Variants in TAF1B observed in about 807,000 individuals in gnomAD.
TAF1B encodes the protein TATA-box binding protein associated factor, RNA polymerase I subunit B.
TAF1B carries 61 observed loss-of-function variants against 83.9 expected under a neutral mutation model. The observed-to-expected ratio is 0.73, with a 90% CI of 0.59 to 0.90. The LOEUF (loss-of-function observed/expected upper bound fraction) is 0.90, where lower values mean the gene tolerates loss of function less well. TAF1B is among the 40% of genes least tolerant of loss of function. The pLI is 0.00. For missense variants in TAF1B, 625 were observed against 677.0 expected, an observed-to-expected ratio of 0.92 and a Z score of 0.85; for synonymous variants, 221 against 224.6, an observed-to-expected ratio of 0.98 and a Z score of 0.14.
chr2:9,911,077 A>G (rs778283597), intron 10 of TAF1B, among the ~76,000 whole-genome samples, 164 bp downstream of exon 10: 10 of 152,242 alleles, frequency 6.6e-5, no homozygotes, highest in Non-Finnish European at 1.3e-4. Flanking sequence ...GAGACTCTCA[A>G]TTGTTACAGA....
At chr2:9,909,975 G>A (rs1412308064) in intron 9 of TAF1B, among the ~76,000 whole-genome samples, 1 of 152,182 alleles carries the variant, frequency 6.6e-6, no homozygotes, top group Non-Finnish European at 1.5e-5. Flanking sequence ...AGAAGATTCA[G>A]TTCAGTTCCA....
chr2:9,922,342 T>G (rs1665902676), intron 14 of TAF1B, among the ~76,000 whole-genome samples: 4 of 152,182 alleles, frequency 2.6e-5, no homozygotes, highest in Admixed American at 2.6e-4. Flanking sequence ...TCTGACCTCC[T>G]TGCTGTCACC....
chr2:9,894,529 A>G (rs1216683913), intron 8 of TAF1B, among the ~76,000 whole-genome samples: 1 of 152,224 alleles, frequency 6.6e-6, no homozygotes, highest in East Asian at 1.9e-4. Context: ...TCTTACCAGT[A>G]TGCTGAAACC....
intron 14 of TAF1B, among the ~76,000 whole-genome samples, chr2:9,930,026 G>A (rs890619095): frequency 3.9e-5 from 6 of 152,108 alleles, no homozygotes; most frequent in Non-Finnish European, 7.3e-5. Flanking sequence ...GGGATCGGTG[G>A]TGATATCCCC....
chr2:9,928,019 C>G (rs1392179510), intron 14 of TAF1B, among the ~76,000 whole-genome samples: 1 of 152,052 alleles, frequency 6.6e-6, no homozygotes, highest in Admixed American at 6.6e-5. Context: ...AGTCTTTAAT[C>G]CATCTTGAAT....
chr2:9,852,812 C>CA (rs1177958109), intron 4 of TAF1B, among the ~76,000 whole-genome samples: 1 of 151,662 alleles, frequency 6.6e-6, no homozygotes, highest in South Asian at 2.1e-4. Context: ...ATATTAAAGG[C>CA]AAAAAAAGAA....
chr2:9,929,092 G>C (rs146013866), intron 14 of TAF1B, among the ~76,000 whole-genome samples: 2,275 of 152,206 alleles, frequency 0.015, 25 homozygotes, highest in Non-Finnish European at 0.025. Context: ...TTTGTCGAAG[G>C]CCTCTTCTGC....
intron 14 of TAF1B, among the ~76,000 whole-genome samples, chr2:9,928,217 G>A (rs1423712395): frequency 6.6e-6 from 1 of 152,100 alleles, no homozygotes; most frequent in Non-Finnish European, 1.5e-5. Context: ...TGTTCCATTG[G>A]TCTATATCTC....
At chr2:9,844,148 A>G (rs184858868) in intron 1 of TAF1B, among the ~76,000 whole-genome samples, 13 of 152,172 alleles carry the variant, frequency 8.5e-5, no homozygotes, top group Non-Finnish European at 1.5e-4. Context: ...GTAAAATGGC[A>G]CATTTTTGTT....
chr2:9,912,025 C>T (rs1665548935), intron 11 of TAF1B, among the ~76,000 whole-genome samples: 1 of 152,238 alleles, frequency 6.6e-6, no homozygotes, highest in Non-Finnish European at 1.5e-5. Flanking sequence ...CACAATGCTT[C>T]ACCTCTTCCC....
chr2:9,925,891 T>C (rs1170831890), intron 14 of TAF1B, among the ~76,000 whole-genome samples: 1 of 152,144 alleles, frequency 6.6e-6, no homozygotes, highest in Non-Finnish European at 1.5e-5. Flanking sequence ...CAGAGTTTTA[T>C]GGTGCAAACA....
intron 14 of TAF1B, among the ~76,000 whole-genome samples, chr2:9,922,088 T>C (rs1665896157): frequency 6.6e-6 from 1 of 152,244 alleles, no homozygotes. Flanking sequence ...GGAAATTTTC[T>C]AGTAGCTAAG....
At chr2:9,880,782 T>A (rs1333191200) in intron 7 of TAF1B, among the ~76,000 whole-genome samples, 2 of 152,106 alleles carry the variant, frequency 1.3e-5, no homozygotes, top group Non-Finnish European at 2.9e-5. Flanking sequence ...GAAGACTACA[T>A]AAATAATGAG....
At chr2:9,887,386 A>T (rs912874201) in intron 8 of TAF1B, among the ~76,000 whole-genome samples, 4 of 152,182 alleles carry the variant, frequency 2.6e-5, no homozygotes, top group Admixed American at 2.6e-4. Context: ...CTTTTGTTTC[A>T]CATCCTATCA....
At chr2:9,868,904 G>T in intron 6 of TAF1B, 1 of 335,796 alleles carries the variant, frequency 3.0e-6, no homozygotes, top group South Asian at 2.4e-5. Flanking sequence ...AAATAAATAA[G>T]GAATGTATTT....
intron 7 of TAF1B, among the ~76,000 whole-genome samples, chr2:9,879,124 T>G (rs777240083): frequency 3.4e-4 from 51 of 152,192 alleles, no homozygotes; most frequent in South Asian, 2.1e-4. Flanking sequence ...ATACACTATG[T>G]TTTTTCCTAT....
At chr2:9,849,633 T>C (rs287989) in intron 3 of TAF1B, among the ~76,000 whole-genome samples, 173 bp downstream of exon 3, 151,977 of 152,288 alleles carry the variant, frequency 1, 75,835 homozygotes, top group Middle Eastern at 1. Context: ...ATATTATTTC[T>C]GGTGCTTTTA....
At chr2:9,852,611 C>G (rs2125136066) in intron 4 of TAF1B, among the ~76,000 whole-genome samples, 1 of 152,246 alleles carries the variant, frequency 6.6e-6, no homozygotes, top group East Asian at 1.9e-4. Context: ...CCTGTCTCAG[C>G]CTCCCGAGTA....
intron 7 of TAF1B, among the ~76,000 whole-genome samples, chr2:9,877,576 G>A (rs1420783938): frequency 1.3e-5 from 2 of 152,052 alleles, no homozygotes; most frequent in Admixed American, 6.6e-5. Flanking sequence ...CTCTGTGTCT[G>A]TAATCTTGTG....
Sources: allele counts gnomAD v4.1 joint callset (sites outside exome capture counted in the v4.1 genomes callset), GRCh38; gene constraint gnomAD v4.1.1; transcripts MANE v1.5; gene names NCBI Gene and HGNC (gene_info 2026-07-23, HGNC 2026-07-21).